The following CDH4 variants were observed in gnomAD, a reference collection of about 807,000 sequenced individuals.
The protein encoded by CDH4 is cadherin 4.
CDH4 carries 33 observed loss-of-function variants against 86.0 expected under a neutral mutation model. The observed-to-expected ratio is 0.38, with a 90% CI of 0.29 to 0.51. The LOEUF is 0.51. Ranked by LOEUF, CDH4 falls within the 20% of genes least tolerant of loss-of-function variation. The probability of loss-of-function intolerance (pLI) is 0.86; values close to 1 mark genes in which losing one functional copy is unlikely to be tolerated. For missense variants in CDH4, 1,114 were observed against 1,307.4 expected, an observed-to-expected ratio of 0.85 and a Z score of 2.28; for synonymous variants, 555 against 549.4, an observed-to-expected ratio of 1.01 and a Z score of -0.14.
intron 2 of CDH4, among the ~76,000 whole-genome samples, chr20:61,536,366 G>A (rs993137208): frequency 6.6e-6 from 1 of 152,142 alleles, no homozygotes; most frequent in Non-Finnish European, 1.5e-5. Context: ...TGGAAAGGAA[G>A]AGGCCGCACC....
At position 61,644,908 on chromosome 20, in the gene CDH4, CT is replaced by C. The variant is rs777680055; in HGVS notation, c.170-98654del. ...CAGAGAAGCATTTAGGGAGGAGTCG[CT>C]GAGTCGTGCGGCCTGAGGAAGGGAC... is the stretch of plus-strand genomic sequence containing the variant. On this transcript the variant is annotated intron_variant, in intron 2 of 15. Transcript: ENST00000614565. Among the ~76,000 whole-genome samples the C allele has an allele frequency of 1.0e-3, 156 of 152,326 alleles. 1 individual carries two copies. The highest frequency in any genetic ancestry group is 1.6e-4 in the Non-Finnish European group (11 of 68,028).
rs1455776266 is a variant in CDH4, at chr20:61,933,073, C to A, written c.2328C>A (p.Val776=). 4 of 1,613,242 alleles carry A rather than the reference C, an allele frequency of 2.5e-6. No individual in the cohort carries two copies. The South Asian group carries it at 3.3e-5, about 13-fold the overall frequency. ...KQLLIDPEDD[V]RDNILKYDEE... ...TGCTCATTGACCCCGAGGACGACGT[C>A]CGCGACAACATCCTCAAGTATGACG... is the stretch of plus-strand genomic sequence containing the variant. The change falls in exon 14 of 16, where the codon GTC becomes GTA. Residue 776 remains valine (V), a synonymous_variant. Transcript: ENST00000614565.
At chr20:61,611,557 A>G (rs1389476743) in intron 2 of CDH4, among the ~76,000 whole-genome samples, 1 of 151,916 alleles carries the variant, frequency 6.6e-6, no homozygotes, top group Non-Finnish European at 1.5e-5. Context: ...CTGGGACCTC[A>G]GCTGAGTGGG....
intron 2 of CDH4, among the ~76,000 whole-genome samples, chr20:61,554,913 A>G (rs2086165130): frequency 6.6e-6 from 1 of 152,260 alleles, no homozygotes; most frequent in Non-Finnish European, 1.5e-5. Flanking sequence ...GCAGACATGT[A>G]CATGTGTGCT....
chr20:61,813,288 C>T (rs777728619), intron 4 of CDH4, among the ~76,000 whole-genome samples: 20 of 152,182 alleles, frequency 1.3e-4, no homozygotes, highest in East Asian at 1.9e-4. Flanking sequence ...GCCACACCCT[C>T]GGGAGTCCAC....
At chr20:61,633,970 A>G (rs1285775940) in intron 2 of CDH4, among the ~76,000 whole-genome samples, 2 of 152,154 alleles carry the variant, frequency 1.3e-5, no homozygotes, top group African/African-American at 4.8e-5. Flanking sequence ...TTAAAACACC[A>G]CCACCAATCC....
chr20:61,660,672 A>G (rs2087243506), intron 2 of CDH4, among the ~76,000 whole-genome samples: 1 of 152,072 alleles, frequency 6.6e-6, no homozygotes, highest in Non-Finnish European at 1.5e-5. Flanking sequence ...TCTGAGTGGG[A>G]TGCGACCTCA....
At chr20:61,460,022 C>T (rs1284614204) in intron 2 of CDH4, among the ~76,000 whole-genome samples, 2 of 152,082 alleles carry the variant, frequency 1.3e-5, no homozygotes, top group Non-Finnish European at 2.9e-5. Flanking sequence ...CTGGGTGTCT[C>T]GAGGCCCAAG....
chr20:61,299,361 G>T (rs568978294), intron 2 of CDH4, among the ~76,000 whole-genome samples: 1 of 152,164 alleles, frequency 6.6e-6, no homozygotes, highest in Non-Finnish European at 1.5e-5. Flanking sequence ...TCTGATCTCC[G>T]TCAAACTCCT....
intron 2 of CDH4, among the ~76,000 whole-genome samples, chr20:61,492,334 G>GTGATGT (rs992255348): frequency 1.3e-5 from 2 of 150,890 alleles, no homozygotes; most frequent in African/African-American, 4.9e-5. Flanking sequence ...GTTGATGTTT[G>GTGATGT]TGATGTTGAT....
chr20:61,850,558 G>A (rs1014686127), intron 5 of CDH4, among the ~76,000 whole-genome samples: 1 of 152,188 alleles, frequency 6.6e-6, no homozygotes, highest in South Asian at 2.1e-4. Flanking sequence ...CATTTCCCCC[G>A]AGCGCCTTCC....
chr20:61,304,214 G>C (rs769452578), intron 2 of CDH4, among the ~76,000 whole-genome samples: 1 of 152,020 alleles, frequency 6.6e-6, no homozygotes, highest in Admixed American at 6.6e-5. Context: ...CCCATCCTCC[G>C]AACGCAGTTC....
At chr20:61,618,931 A>C (rs1442982783) in intron 2 of CDH4, among the ~76,000 whole-genome samples, 1 of 152,132 alleles carries the variant, frequency 6.6e-6, no homozygotes, top group African/African-American at 2.4e-5. Context: ...ACAACGCTGC[A>C]CCCAGGGCCC....
chr20:61,901,940 G>A (rs2054731879), intron 8 of CDH4, among the ~76,000 whole-genome samples: 1 of 152,226 alleles, frequency 6.6e-6, no homozygotes, highest in South Asian at 2.1e-4. Context: ...GTCGGCCGTG[G>A]CTCATCTTTA....
At chr20:61,403,467 G>A (rs369843107) in intron 2 of CDH4, among the ~76,000 whole-genome samples, 62 of 152,198 alleles carry the variant, frequency 4.1e-4, no homozygotes, top group East Asian at 2.5e-3. Flanking sequence ...TGAGGTCTAC[G>A]GTCCCCTCTC....
chr20:61,840,456 C>T (rs1307767970), intron 4 of CDH4, among the ~76,000 whole-genome samples: 1 of 152,236 alleles, frequency 6.6e-6, no homozygotes, highest in Non-Finnish European at 1.5e-5. Context: ...TCATGTCATC[C>T]AGCCATTTCT....
chr20:61,889,299 TGGATG>T (rs1984680465), intron 7 of CDH4, among the ~76,000 whole-genome samples: 1 of 133,292 alleles, frequency 7.5e-6, no homozygotes, highest in African/African-American at 2.9e-5. Context: ...AAAGCATGGA[TGGATG>T]GATGGATGGA....
intron 2 of CDH4, among the ~76,000 whole-genome samples, chr20:61,628,439 A>G (rs2086852783): frequency 6.6e-6 from 1 of 151,984 alleles, no homozygotes; most frequent in African/African-American, 2.4e-5. Context: ...TCATTCATTC[A>G]TTCATTCATT....
chr20:61,420,144 G>C (rs1262332485), intron 2 of CDH4, among the ~76,000 whole-genome samples: 1 of 152,266 alleles, frequency 6.6e-6, no homozygotes, highest in Non-Finnish European at 1.5e-5. Context: ...GCTCTTACAA[G>C]TGGTCTCCAG....
Sources: allele counts gnomAD v4.1 joint callset (sites outside exome capture counted in the v4.1 genomes callset), GRCh38; gene constraint gnomAD v4.1.1; transcripts MANE v1.5; gene names NCBI Gene and HGNC (gene_info 2026-07-23, HGNC 2026-07-21).